Variants in DSCAM observed in about 807,000 individuals in gnomAD.
The protein encoded by DSCAM is DS cell adhesion molecule, also known as cell adhesion molecule DSCAM.
A neutral mutation model predicts 217.7 loss-of-function variants in DSCAM; 47 were observed. The observed-to-expected ratio is 0.22, with a 90% CI of 0.17 to 0.28. DSCAM has a LOEUF of 0.28. Ranked by LOEUF, DSCAM falls within the 10% of genes least tolerant of loss-of-function variation. The pLI is 1.00. For missense variants in DSCAM, 2,080 were observed against 2,618.3 expected (o/e 0.79, Z 4.49); for synonymous variants, 1,056 against 1,015.3 (o/e 1.04, Z -0.76).
At chr21:40,338,833 G>A (rs1414840445) in intron 7 of DSCAM, among the ~76,000 whole-genome samples, 2 of 152,160 alleles carry the variant, frequency 1.3e-5, no homozygotes, top group African/African-American at 2.4e-5. Context: ...TGGAAGAACC[G>A]AAGAGAAGGA....
intron 3 of DSCAM, among the ~76,000 whole-genome samples, chr21:40,536,669 G>A (rs915053003): frequency 7.9e-5 from 12 of 152,190 alleles, no homozygotes; most frequent in African/African-American, 2.7e-4. Flanking sequence ...GCCTCCCAAA[G>A]TGCAGGGATT....
intron 1 of DSCAM, among the ~76,000 whole-genome samples, chr21:40,801,606 C>T (rs1475577019): frequency 6.6e-6 from 1 of 152,148 alleles, no homozygotes; most frequent in East Asian, 1.9e-4. Context: ...GGCTCAGTGC[C>T]CAAGGCCACC....
intron 11 of DSCAM, among the ~76,000 whole-genome samples, chr21:40,216,459 T>TA (rs571796679): frequency 1.8e-4 from 27 of 152,106 alleles, no homozygotes; most frequent in South Asian, 1.2e-3. Flanking sequence ...GGTTGCTTTA[T>TA]AAAAAAAGCT....
chr21:40,643,940 G>A (rs978407701), intron 3 of DSCAM, among the ~76,000 whole-genome samples: 1 of 152,206 alleles, frequency 6.6e-6, no homozygotes, highest in Non-Finnish European at 1.5e-5. Context: ...ACGGCAGCCT[G>A]AACAGACTAA....
At chr21:40,269,668 AC>A (rs1288399228) in intron 11 of DSCAM, among the ~76,000 whole-genome samples, 1 of 151,946 alleles carries the variant, frequency 6.6e-6, no homozygotes, top group Non-Finnish European at 1.5e-5. Context: ...TCTACAGGAG[AC>A]CCCTTCCTTG....
At chr21:40,768,909 G>A (rs2091420173) in intron 1 of DSCAM, among the ~76,000 whole-genome samples, 1 of 152,230 alleles carries the variant, frequency 6.6e-6, no homozygotes, top group South Asian at 2.1e-4. Flanking sequence ...AAAGGAAGGT[G>A]GAGGCCCAAT....
At chr21:40,760,206 C>G (rs1015446772) in intron 1 of DSCAM, among the ~76,000 whole-genome samples, 1 of 151,828 alleles carries the variant, frequency 6.6e-6, no homozygotes, top group Non-Finnish European at 1.5e-5. Flanking sequence ...TAGAGAGAGA[C>G]GGGGTTTCAC....
intron 3 of DSCAM, among the ~76,000 whole-genome samples, chr21:40,481,827 C>T (rs2075985615): frequency 6.6e-6 from 1 of 152,182 alleles, no homozygotes; most frequent in African/African-American, 2.4e-5. Context: ...CCATAACAAC[C>T]CGGAGTGGCA....
intron 3 of DSCAM, among the ~76,000 whole-genome samples, chr21:40,540,148 C>A (rs1219852509): frequency 6.6e-6 from 1 of 152,118 alleles, no homozygotes; most frequent in East Asian, 1.9e-4. Flanking sequence ...GCTTCTGGGC[C>A]GTTCCTCCTA....
intron 3 of DSCAM, among the ~76,000 whole-genome samples, chr21:40,469,608 T>C (rs930196090): frequency 6.6e-6 from 1 of 152,166 alleles, no homozygotes; most frequent in Admixed American, 6.5e-5. Flanking sequence ...TACATGATTA[T>C]AATAGATTTA....
intron 19 of DSCAM, among the ~76,000 whole-genome samples, chr21:40,129,973 A>C (rs2090138360): frequency 6.6e-6 from 1 of 152,150 alleles, no homozygotes; most frequent in South Asian, 2.1e-4. Context: ...TGAGATTGCT[A>C]ATTGATGGTG....
chr21:40,215,626 T>G (rs956780369), intron 11 of DSCAM, among the ~76,000 whole-genome samples: 1 of 151,436 alleles, frequency 6.6e-6, no homozygotes, highest in Non-Finnish European at 1.5e-5. Context: ...GCATTCAGAG[T>G]GGTGTAATGG....
chr21:40,232,905 T>C (rs2091394499), intron 11 of DSCAM, among the ~76,000 whole-genome samples: 1 of 152,132 alleles, frequency 6.6e-6, no homozygotes, highest in Non-Finnish European at 1.5e-5. Flanking sequence ...CCCAGAACAG[T>C]TCTGTTAGAT....
chr21:40,220,217 T>G (rs11908752), intron 11 of DSCAM, among the ~76,000 whole-genome samples: 2 of 152,108 alleles, frequency 1.3e-5, no homozygotes, highest in African/African-American at 4.8e-5. Context: ...TTGTGTACAC[T>G]TGAGGGAGAG....
intron 32 of DSCAM, among the ~76,000 whole-genome samples, chr21:40,036,936 T>G (rs1207693326): frequency 6.6e-6 from 1 of 150,766 alleles, no homozygotes; most frequent in East Asian, 1.9e-4. Flanking sequence ...TCTGCATAGA[T>G]GCAGAAAGGG....
intron 3 of DSCAM, among the ~76,000 whole-genome samples, chr21:40,510,312 T>C (rs1358787275): frequency 6.6e-6 from 1 of 152,196 alleles, no homozygotes; most frequent in African/African-American, 2.4e-5. Context: ...ATAGCATTTT[T>C]ATGAGGAATT....
intron 26 of DSCAM, among the ~76,000 whole-genome samples, chr21:40,076,540 T>TC (rs1229672368): frequency 6.6e-6 from 1 of 152,252 alleles, no homozygotes; most frequent in Non-Finnish European, 1.5e-5. Context: ...TGCAGCCATA[T>TC]TTCTTAGTGT....
intron 1 of DSCAM, among the ~76,000 whole-genome samples, chr21:40,746,188 A>G (rs2091172974): frequency 6.6e-6 from 1 of 152,024 alleles, no homozygotes; most frequent in Non-Finnish European, 1.5e-5. Flanking sequence ...AAATGGTAGT[A>G]GTAAAGCCCC....
chr21:40,128,453 T>A (rs2090119112), intron 19 of DSCAM, among the ~76,000 whole-genome samples: 1 of 151,860 alleles, frequency 6.6e-6, no homozygotes, highest in African/African-American at 2.4e-5. Context: ...TGTTCAGGTA[T>A]CATTGAGGTT....
Sources: allele counts gnomAD v4.1 joint callset (sites outside exome capture counted in the v4.1 genomes callset), GRCh38; gene constraint gnomAD v4.1.1; transcripts MANE v1.5; gene names NCBI Gene and HGNC (gene_info 2026-07-23, HGNC 2026-07-21).